The following CRK variants were observed in gnomAD, a reference collection of about 807,000 sequenced individuals.
The protein encoded by CRK is adapter molecule crk.
In CRK, 4 loss-of-function variants were observed where a neutral mutation model predicts 29.8. The ratio of observed to expected loss-of-function variants is 0.13; its 90% CI spans 0.07 to 0.31. The LOEUF (loss-of-function observed/expected upper bound fraction) is 0.31. Ranked by LOEUF, CRK falls within the 10% of genes least tolerant of loss-of-function variation. The probability of loss-of-function intolerance (pLI) is 1.00; values close to 1 mark genes in which losing one functional copy is unlikely to be tolerated. For synonymous variants in CRK, 153 were observed against 164.9 expected, an observed-to-expected ratio of 0.93 and a Z score of 0.55; for missense variants, 274 against 396.5, an observed-to-expected ratio of 0.69 and a Z score of 2.62.
rs139808677 is a variant in CRK at position 1,442,833 on chromosome 17, C to T, written c.242-5678G>A. Among the ~76,000 whole-genome samples, 823 of 151,988 alleles carry T rather than the reference C, an allele frequency of 5.4e-3. 4 individuals are homozygous for T. The highest frequency in any genetic ancestry group is 0.019 in the African/African-American group (789 of 41,474). ...TGTTGGCCTGGCTGGTCTCAAACTC[C>T]TGACCTCAAGTGATCTGACCGCCTT... On this transcript the variant is annotated intron_variant, in intron 1 of 2. Coordinates refer to ENST00000300574, the MANE Select transcript of CRK (RefSeq NM_016823.4).
At chr17:1,442,149 G>A (rs947155830) in intron 1 of CRK, among the ~76,000 whole-genome samples, 5 of 113,524 alleles carry the variant, frequency 4.4e-5, no homozygotes, top group Middle Eastern at 3.4e-3. Flanking sequence ...GAGCCAGGGC[G>A]CCCGGCCTGT....
chr17:1,450,315 T>C (rs188676793), intron 1 of CRK, among the ~76,000 whole-genome samples: 1 of 151,944 alleles, frequency 6.6e-6, no homozygotes, highest in East Asian at 1.9e-4. Flanking sequence ...AAGACCATCC[T>C]GGCTAACACG....
intron 1 of CRK, among the ~76,000 whole-genome samples, chr17:1,437,820 A>ATTT (rs34817166): frequency 1.5e-5 from 2 of 136,734 alleles, no homozygotes; most frequent in Admixed American, 7.5e-5. Flanking sequence ...TGACAAGCTA[A>ATTT]TTTTTTTTTT....
At chr17:1,432,687 G>A (rs1020978620) in intron 2 of CRK, among the ~76,000 whole-genome samples, 8 of 150,340 alleles carry the variant, frequency 5.3e-5, no homozygotes, top group African/African-American at 2.0e-4. Context: ...TGAGGCAGGA[G>A]AATGGCATGA....
In CRK at chr17:1,422,172, T is replaced by G. The variant is rs1022029453; in HGVS notation, c.*1341A>C. ...TTTTTTTTCTTTTTTTTTTCCTTTT[T>G]TTTTTTTTTGAGACTGAGTCTTGCC... On this transcript the variant is annotated 3_prime_UTR_variant, in exon 3 of 3. Coordinates refer to ENST00000300574, the MANE Select transcript of CRK (RefSeq NM_016823.4). The G allele has an allele frequency of 9.3e-5, 14 of 150,822 alleles. No homozygotes were observed. The highest frequency in any genetic ancestry group is 9.3e-4 in the Admixed American group (14 of 15,130). The allele number at this position is 150,822 out of a possible 1,614,324, so 9.3% of individuals were successfully genotyped here. A position where few individuals can be genotyped will look rare whatever the true frequency, so the allele number is the denominator to read the frequency against.
chr17:1,436,071 C>T (rs902775218), intron 2 of CRK, among the ~76,000 whole-genome samples: 13 of 152,178 alleles, frequency 8.5e-5, no homozygotes, highest in African/African-American at 3.1e-4. Context: ...ACCCGTGCAC[C>T]TGCCACTCCT....
intron 1 of CRK, among the ~76,000 whole-genome samples, chr17:1,451,523 C>T (rs1245782545): frequency 1.3e-5 from 2 of 152,002 alleles, no homozygotes; most frequent in African/African-American, 2.4e-5. Flanking sequence ...TGAGCCACTG[C>T]GCCCGGCCTC....
chr17:1,426,893 A>ATAG (rs1463325797), intron 2 of CRK, among the ~76,000 whole-genome samples: 19 of 151,260 alleles, frequency 1.3e-4, no homozygotes, highest in East Asian at 1.9e-4. Context: ...TTAGCCAGGC[A>ATAG]TAGTAGTGTG....
chr17:1,450,472 C>A (rs6502708), intron 1 of CRK, among the ~76,000 whole-genome samples: 114,317 of 151,368 alleles, frequency 0.76, 43,806 homozygotes, highest in African/African-American at 0.89. Flanking sequence ...GCGCCACTGC[C>A]CTCCGGCCCG....
At chr17:1,431,490 G>A (rs1214614955) in intron 2 of CRK, among the ~76,000 whole-genome samples, 2 of 152,062 alleles carry the variant, frequency 1.3e-5, no homozygotes, top group East Asian at 3.8e-4. Flanking sequence ...GGGAGGCAGA[G>A]GGGAGTGGGT....
chr17:1,452,403 T>C (rs997281061), intron 1 of CRK, among the ~76,000 whole-genome samples: 1 of 152,174 alleles, frequency 6.6e-6, no homozygotes, highest in Non-Finnish European at 1.5e-5. Context: ...AAGAAATTTC[T>C]CTGTGTGACT....
chr17:1,447,900 A>G (rs2073987305), intron 1 of CRK, among the ~76,000 whole-genome samples: 1 of 151,932 alleles, frequency 6.6e-6, no homozygotes, highest in African/African-American at 2.4e-5. Context: ...TACAGGCGCG[A>G]GCCACCACAC....
At chr17:1,431,794 G>A (rs2073847260) in intron 2 of CRK, among the ~76,000 whole-genome samples, 1 of 152,126 alleles carries the variant, frequency 6.6e-6, no homozygotes. Flanking sequence ...CCAGACTAGG[G>A]TGTACTACTT....
At chr17:1,439,813 A>G (rs1462582132) in intron 1 of CRK, among the ~76,000 whole-genome samples, 1 of 152,196 alleles carries the variant, frequency 6.6e-6, no homozygotes, top group Non-Finnish European at 1.5e-5. Context: ...ACTGCACTCC[A>G]GCCTGGGCAA....
At chr17:1,454,255 T>A (rs1393316326) in intron 1 of CRK, among the ~76,000 whole-genome samples, 1 of 151,600 alleles carries the variant, frequency 6.6e-6, no homozygotes, top group Non-Finnish European at 1.5e-5. Flanking sequence ...AATTAGTATG[T>A]GTTGGCCAGG....
At chr17:1,430,586 C>G (rs1457801386) in intron 2 of CRK, among the ~76,000 whole-genome samples, 8 of 148,688 alleles carry the variant, frequency 5.4e-5, no homozygotes, top group Non-Finnish European at 9.0e-5. Context: ...AGGATGGTCT[C>G]CATTTCCTGA....
intron 2 of CRK, among the ~76,000 whole-genome samples, chr17:1,427,215 T>C (rs1324657817): frequency 7.0e-6 from 1 of 142,078 alleles, no homozygotes; most frequent in Non-Finnish European, 1.5e-5. Context: ...CACTTGAGCC[T>C]GGGAGTTTGA....
At chr17:1,454,812 G>C (rs573569431) in intron 1 of CRK, among the ~76,000 whole-genome samples, 6 of 152,242 alleles carry the variant, frequency 3.9e-5, no homozygotes, top group Non-Finnish European at 7.4e-5. Context: ...CAAATCTCCA[G>C]TACTAAGGGC....
At chr17:1,441,468 A>G (rs901603043) in intron 1 of CRK, among the ~76,000 whole-genome samples, 1 of 152,024 alleles carries the variant, frequency 6.6e-6, no homozygotes, top group Non-Finnish European at 1.5e-5. Flanking sequence ...AGCTGGGACT[A>G]AAGGTGCGGG....
Sources: allele counts gnomAD v4.1 joint callset (sites outside exome capture counted in the v4.1 genomes callset), GRCh38; gene constraint gnomAD v4.1.1; transcripts MANE v1.5; gene names NCBI Gene and HGNC (gene_info 2026-07-23, HGNC 2026-07-21).